The following COL23A1 variants were observed in gnomAD, a reference collection of about 807,000 sequenced individuals.
The protein encoded by COL23A1 is collagen alpha-1(XXIII) chain.
A neutral mutation model predicts 99.3 loss-of-function variants in COL23A1; 97 were observed. The ratio of observed to expected loss-of-function variants is 0.98; its 90% CI spans 0.83 to 1.16. The LOEUF is 1.16. Ranked by LOEUF, COL23A1 falls within the 50% of genes most tolerant of loss-of-function variation. The pLI is 0.00. For missense variants in COL23A1, 762 were observed against 757.4 expected, an observed-to-expected ratio of 1.01 and a Z score of -0.07; for synonymous variants, 320 against 308.2, an observed-to-expected ratio of 1.04 and a Z score of -0.40.
intron 2 of COL23A1, among the ~76,000 whole-genome samples, chr5:178,343,913 G>A (rs1381434604): frequency 1.3e-5 from 2 of 152,002 alleles, no homozygotes; most frequent in African/African-American, 2.4e-5. Flanking sequence ...TGCCCACCTT[G>A]GCCTCCCAAA....
At chr5:178,353,196 A>G (rs1761426545) in intron 2 of COL23A1, among the ~76,000 whole-genome samples, 1 of 152,224 alleles carries the variant, frequency 6.6e-6, no homozygotes, top group Non-Finnish European at 1.5e-5. Context: ...TGGCATACTC[A>G]TGCAATGAAA....
At chr5:178,489,526 G>T (rs1016274650) in intron 2 of COL23A1, among the ~76,000 whole-genome samples, 2 of 151,970 alleles carry the variant, frequency 1.3e-5, no homozygotes, top group Non-Finnish European at 2.9e-5. Flanking sequence ...CATGTATCCT[G>T]TTGGCTCAGT....
intron 3 of COL23A1, among the ~76,000 whole-genome samples, chr5:178,304,776 C>G (rs961249349): frequency 2.6e-5 from 4 of 152,220 alleles, no homozygotes; most frequent in African/African-American, 7.2e-5. Flanking sequence ...TGGCCAGCAG[C>G]TGGCCTCTGG....
intron 2 of COL23A1, among the ~76,000 whole-genome samples, chr5:178,505,860 C>T (rs1166721628): frequency 6.6e-6 from 1 of 152,092 alleles, no homozygotes; most frequent in African/African-American, 2.4e-5. Context: ...AGTGAAGGAC[C>T]TGTGCCAGAC....
chr5:178,534,552 G>A (rs1019536206), intron 2 of COL23A1, among the ~76,000 whole-genome samples: 6 of 152,114 alleles, frequency 3.9e-5, no homozygotes, highest in East Asian at 1.9e-4. Flanking sequence ...AGGCCAAGGC[G>A]GGCAGATCAC....
intron 2 of COL23A1, among the ~76,000 whole-genome samples, chr5:178,361,215 G>A (rs553597563): frequency 6.6e-6 from 1 of 152,286 alleles, no homozygotes; most frequent in African/African-American, 2.4e-5. Flanking sequence ...ACTCTTCCCT[G>A]CCATAAGGTC....
At chr5:178,408,335 T>C (rs954261871) in intron 2 of COL23A1, among the ~76,000 whole-genome samples, 3 of 151,916 alleles carry the variant, frequency 2.0e-5, no homozygotes, top group African/African-American at 7.3e-5. Context: ...AATTCAAAAC[T>C]GGAAGGAAAT....
chr5:178,540,419 G>C (rs562905003), intron 2 of COL23A1, among the ~76,000 whole-genome samples: 1 of 152,120 alleles, frequency 6.6e-6, no homozygotes, highest in African/African-American at 2.4e-5. Flanking sequence ...ATCTACACAA[G>C]TTCACACACA....
intron 16 of COL23A1, 53 bp downstream of exon 16, chr5:178,254,896 C>T: frequency 2.0e-6 from 3 of 1,486,280 alleles, no homozygotes; most frequent in Non-Finnish European, 2.8e-6. Flanking sequence ...AGTGATTATT[C>T]CCTAAGGAAA....
intron 5 of COL23A1, among the ~76,000 whole-genome samples, chr5:178,273,295 G>A (rs1462237129): frequency 6.6e-6 from 1 of 152,176 alleles, no homozygotes; most frequent in Non-Finnish European, 1.5e-5. Flanking sequence ...CCTTATTATG[G>A]CTGCAGGCCT....
At chr5:178,521,929 T>C (rs1285783219) in intron 2 of COL23A1, among the ~76,000 whole-genome samples, 1 of 152,200 alleles carries the variant, frequency 6.6e-6, no homozygotes, top group Non-Finnish European at 1.5e-5. Flanking sequence ...TACGTAGTGG[T>C]GATGGTAGCA....
At chr5:178,268,852 G>T in intron 6 of COL23A1, 96 bp from the exon 7 acceptor site, 1 of 1,292,130 alleles carries the variant, frequency 7.7e-7, no homozygotes. Context: ...AGAAGGGCCC[G>T]TGATGCTGGG....
intron 2 of COL23A1, among the ~76,000 whole-genome samples, chr5:178,494,256 C>T (rs1758080415): frequency 6.6e-6 from 1 of 152,176 alleles, no homozygotes; most frequent in South Asian, 2.1e-4. Flanking sequence ...GATTTTGGTT[C>T]AGGAGACACT....
chr5:178,261,198 A>G (rs974397633), intron 11 of COL23A1, among the ~76,000 whole-genome samples: 1 of 152,152 alleles, frequency 6.6e-6, no homozygotes, highest in African/African-American at 2.4e-5. Context: ...GGATAACCTG[A>G]GGTCAGGAGT....
chr5:178,310,861 CA>C lies in COL23A1; in HGVS notation c.362-3943del, dbSNP rs1758632578. On this transcript the variant is annotated intron_variant, in intron 2 of 28. Transcript: ENST00000390654. The surrounding 1 kb of genome is among the most constrained non-coding windows in gnomAD (Gnocchi z 4.3). ...TTGTTTCTTGTTTTTCTTCTTTCTA[CA>C]AGCAGAAGAACCTTTCCTGCTGCTG... Among the ~76,000 whole-genome samples the C allele has an allele frequency of 6.6e-6, 1 of 152,048 alleles. No homozygotes were observed. Among genetic ancestry groups the C allele is most frequent in the Non-Finnish European group, 1.5e-5 (1 of 68,022 alleles).
chr5:178,502,183 G>A (rs1412594930), intron 2 of COL23A1, among the ~76,000 whole-genome samples: 3 of 152,198 alleles, frequency 2.0e-5, no homozygotes, highest in South Asian at 2.1e-4. Context: ...CCAGGCTGGA[G>A]TGCAGTGGCG....
intron 12 of COL23A1, 104 bp downstream of exon 12, chr5:178,259,617 C>T (rs1055031293): frequency 2.6e-6 from 3 of 1,139,762 alleles, no homozygotes; most frequent in Non-Finnish European, 3.7e-6. Context: ...TGGCTCCCAG[C>T]CCATCCCGTC....
intron 2 of COL23A1, among the ~76,000 whole-genome samples, chr5:178,418,955 G>C (rs541994488): frequency 1.4e-4 from 22 of 152,326 alleles, no homozygotes; most frequent in African/African-American, 4.3e-4. Flanking sequence ...AGCCCCAGGA[G>C]AGCAAGGACT....
Position 178,471,857 on chromosome 5 carries a change from C to A in COL23A1, c.361+88825G>T, listed in dbSNP as rs1756768739. ...TGCCTCGCCCCTCCCTTCCCACAGT[C>A]CATGCCCCAGCTCCTTCCACCCCCT... On this transcript the variant is annotated intron_variant, in intron 2 of 28. Transcript: ENST00000390654. Among the ~76,000 whole-genome samples the A allele has an allele frequency of 2.0e-5, 3 of 152,174 alleles. 1 individual carries two copies. Among genetic ancestry groups the A allele is most frequent in the African/African-American group, 7.2e-5 (3 of 41,444 alleles).
Sources: gnomAD v4.1 joint callset for allele counts (sites outside exome capture counted in the v4.1 genomes callset) on GRCh38, gnomAD v4.1.1 for gene constraint, Gnocchi (gnomAD v3.1) non-coding constraint, MANE v1.5 for transcripts, NCBI Gene and HGNC (gene_info 2026-07-23, HGNC 2026-07-21) for gene names.